EPB41L2: variants seen among roughly 807,000 people sequenced by gnomAD.
EPB41L2 encodes the protein band 4.1-like protein 2.
A neutral mutation model predicts 113.0 loss-of-function variants in EPB41L2; 43 were observed. The ratio of observed to expected loss-of-function variants is 0.38; its 90% CI spans 0.30 to 0.49. The LOEUF (loss-of-function observed/expected upper bound fraction) is 0.49. EPB41L2 is among the 20% of genes least tolerant of loss of function. EPB41L2 has a pLI of 0.95. For missense variants in EPB41L2, 1,147 were observed against 1,223.4 expected (o/e 0.94, Z 0.93); for synonymous variants, 442 against 436.7 (o/e 1.01, Z -0.15).
intron 1 of EPB41L2, among the ~76,000 whole-genome samples, chr6:131,029,235 C>T (rs1396470575): frequency 1.3e-5 from 2 of 152,084 alleles, no homozygotes; most frequent in African/African-American, 2.4e-5. Flanking sequence ...AAGACTTTGT[C>T]TCCTTACAAC....
chr6:131,033,626 C>A (rs988595043), intron 1 of EPB41L2, among the ~76,000 whole-genome samples: 2 of 152,208 alleles, frequency 1.3e-5, no homozygotes, highest in Non-Finnish European at 2.9e-5. Flanking sequence ...AATTCTGACA[C>A]ATGCTACAAC....
At chr6:130,904,768 CTCTT>C (rs1797240725) in intron 5 of EPB41L2, among the ~76,000 whole-genome samples, 2 of 151,926 alleles carry the variant, frequency 1.3e-5, no homozygotes, top group Non-Finnish European at 1.5e-5. Context: ...GTAATAGGTT[CTCTT>C]TCTTATAAAC....
Position 131,045,241 on chromosome 6 carries a change from C to A in EPB41L2, c.-15+17914G>T, listed in dbSNP as rs1272685909. Among the ~76,000 whole-genome samples, 11 of 141,174 alleles carry A rather than the reference C, an allele frequency of 7.8e-5. No homozygotes were observed. The East Asian group carries it at 2.2e-3, about 28-fold the overall frequency. The allele number at this position is 141,174 out of a possible 152,430, so 92.6% of individuals were successfully genotyped here. A position where few individuals can be genotyped will look rare whatever the true frequency, so the allele number is the denominator to read the frequency against. On this transcript the variant is annotated intron_variant, in intron 1 of 19. Coordinates refer to ENST00000337057, the MANE Select transcript of EPB41L2 (RefSeq NM_001431.4). ...TATCTATTAGTGCATACTATGTACC[C>A]CTTAAAATGAGGTATCTAAATATTC...
chr6:131,047,470 TTAAA>T (rs1444141113), intron 1 of EPB41L2, among the ~76,000 whole-genome samples: 1 of 152,206 alleles, frequency 6.6e-6, no homozygotes, highest in Non-Finnish European at 1.5e-5. Context: ...GGAAATTATA[TTAAA>T]TAATTACATC....
At chr6:130,886,780 C>T (rs1001691073) in intron 11 of EPB41L2, among the ~76,000 whole-genome samples, 4 of 151,930 alleles carry the variant, frequency 2.6e-5, no homozygotes, top group East Asian at 1.9e-4. Flanking sequence ...ATTACAGGCA[C>T]GCGCCACCAC....
chr6:130,901,582 C>A (rs1796324553), intron 6 of EPB41L2, among the ~76,000 whole-genome samples: 1 of 152,068 alleles, frequency 6.6e-6, no homozygotes, highest in African/African-American at 2.4e-5. Context: ...GCTAAGGTCA[C>A]CCACCCTTTA....
intron 14 of EPB41L2, among the ~76,000 whole-genome samples, chr6:130,876,127 A>C (rs970871236): frequency 1.3e-5 from 2 of 152,220 alleles, no homozygotes; most frequent in Non-Finnish European, 2.9e-5. Context: ...GAAAGAGAAG[A>C]ATGAGGATGT....
intron 10 of EPB41L2, among the ~76,000 whole-genome samples, chr6:130,893,783 G>A (rs1483080532): frequency 1.3e-5 from 2 of 152,176 alleles, no homozygotes; most frequent in Non-Finnish European, 2.9e-5. Flanking sequence ...AGTAGTTTGA[G>A]GGGGTCAGAA....
chr6:131,017,681 G>C (rs1788540802), intron 1 of EPB41L2, among the ~76,000 whole-genome samples: 1 of 152,134 alleles, frequency 6.6e-6, no homozygotes, highest in South Asian at 2.1e-4. Context: ...ACAGGTACAG[G>C]AATCTCAAGA....
intron 1 of EPB41L2, 72 bp from the exon 2 acceptor site, chr6:130,956,571 A>G: frequency 7.4e-7 from 1 of 1,354,910 alleles, no homozygotes. Flanking sequence ...TGCGAGGGGC[A>G]TGGTAAGGAA....
intron 1 of EPB41L2, among the ~76,000 whole-genome samples, chr6:131,029,893 C>CTTTTTTT (rs1791725041): frequency 1.9e-5 from 1 of 51,460 alleles, no homozygotes; most frequent in South Asian, 5.7e-4. Context: ...GAGGATTTTT[C>CTTTTTTT]TCTTTTTTTC....
At chr6:130,999,123 T>G (rs1388256696) in intron 1 of EPB41L2, among the ~76,000 whole-genome samples, 1 of 152,056 alleles carries the variant, frequency 6.6e-6, no homozygotes, top group Non-Finnish European at 1.5e-5. Flanking sequence ...GGCTATGACT[T>G]TGCCAGACTT....
chr6:130,848,209 A>T (rs62422331), intron 19 of EPB41L2, among the ~76,000 whole-genome samples: 68 of 104,492 alleles, frequency 6.5e-4, no homozygotes, highest in Middle Eastern at 4.2e-3. Context: ...TCACACACAC[A>T]CACACACACA....
At chr6:130,887,703 T>C (rs1791508338) in intron 11 of EPB41L2, among the ~76,000 whole-genome samples, 1 of 152,230 alleles carries the variant, frequency 6.6e-6, no homozygotes, top group Admixed American at 6.5e-5. Context: ...TTTCCTTGGC[T>C]GCCTCCTTCT....
chr6:130,945,327 G>A (rs927059920), intron 3 of EPB41L2, among the ~76,000 whole-genome samples: 4 of 152,064 alleles, frequency 2.6e-5, no homozygotes, highest in African/African-American at 7.2e-5. Context: ...TCCGAGACCC[G>A]AACTCAACAC....
chr6:130,885,003 T>G (rs1790484144), intron 12 of EPB41L2, 93 bp downstream of exon 12: 2 of 1,434,672 alleles, frequency 1.4e-6, no homozygotes, highest in Admixed American at 3.8e-5. Context: ...AACAACTAAT[T>G]TTAAATACTT....
chr6:130,869,897 G>T lies in EPB41L2; in HGVS notation c.2273C>A (p.Pro758His), dbSNP rs1562344901. Reference protein sequence around the residue: ...SEEEDVGEYRPHHRVTEGTIR... With the variant: ...SEEEDVGEYRHHHRVTEGTIR... ...GGTGCCCTCGGTCACTCGGTGGTGG[G>T]GACGGTACTCTCCCACGTCTTCCTC... The change falls in exon 15 of 20, where the codon CCC becomes CAC. Residue 758 changes from proline to histidine, a missense_variant. Pro to His is a moderately conservative substitution (Grantham distance 77). Transcript: ENST00000337057. 6.2e-7 allele frequency: 1 copy of T among 1,612,296 alleles called. No homozygotes were observed. The highest frequency in any genetic ancestry group is 2.2e-5 in the East Asian group (1 of 44,838).
chr6:130,922,901 G>T (rs1352743861), intron 4 of EPB41L2, among the ~76,000 whole-genome samples: 1 of 152,128 alleles, frequency 6.6e-6, no homozygotes, highest in Non-Finnish European at 1.5e-5. Context: ...TACCTAGAGT[G>T]GAGTATTTGT....
chr6:131,045,370 A>ATATGAATATTTAATATTTT (rs1562792621), intron 1 of EPB41L2, among the ~76,000 whole-genome samples: 1 of 151,846 alleles, frequency 6.6e-6, no homozygotes, highest in Non-Finnish European at 1.5e-5. Context: ...TATTCATTTA[A>ATATGAATATTTAATATTTT]AAATGATGAG....
Sources: allele counts gnomAD v4.1 joint callset (sites outside exome capture counted in the v4.1 genomes callset), GRCh38; gene constraint gnomAD v4.1.1; transcripts MANE v1.5; gene names NCBI Gene and HGNC (gene_info 2026-07-23, HGNC 2026-07-21).